Variants in LRRC7 observed in about 807,000 individuals in gnomAD.
The protein encoded by LRRC7 is leucine-rich repeat-containing protein 7.
A neutral mutation model predicts 175.7 loss-of-function variants in LRRC7; 23 were observed. The observed-to-expected ratio is 0.13, with a 90% CI of 0.09 to 0.19. The LOEUF is 0.19. Ranked by LOEUF, LRRC7 falls within the 10% of genes least tolerant of loss-of-function variation. The pLI is 1.00. For missense variants in LRRC7, 1,354 were observed against 1,904.7 expected (o/e 0.71, Z 5.38); for synonymous variants, 685 against 680.9 (o/e 1.01, Z -0.09).
chr1:70,116,546 C>CAAAAA (rs11336931), intron 26 of LRRC7, among the ~76,000 whole-genome samples: 70 of 104,876 alleles, frequency 6.7e-4, no homozygotes, highest in African/African-American at 2.3e-3. Context: ...GACTCCATGT[C>CAAAAA]AAAAAAAAAA....
intron 1 of LRRC7, among the ~76,000 whole-genome samples, chr1:69,674,897 T>G (rs1659567072): frequency 6.6e-6 from 1 of 152,210 alleles, no homozygotes. Flanking sequence ...TGATCACATT[T>G]TTATTTGTGA....
intron 7 of LRRC7, among the ~76,000 whole-genome samples, chr1:69,880,373 A>G (rs1459136906): frequency 6.6e-6 from 1 of 152,232 alleles, no homozygotes; most frequent in Non-Finnish European, 1.5e-5. Context: ...GGGGATGATC[A>G]GGGCAGAAGA....
At chr1:69,845,123 T>TG (rs1186100276) in intron 7 of LRRC7, among the ~76,000 whole-genome samples, 1 of 151,974 alleles carries the variant, frequency 6.6e-6, no homozygotes, top group African/African-American at 2.4e-5. Flanking sequence ...TGGTGGTGTG[T>TG]GCCTGTATTC....
At chr1:69,669,514 C>T (rs1658751307) in intron 1 of LRRC7, among the ~76,000 whole-genome samples, 1 of 152,012 alleles carries the variant, frequency 6.6e-6, no homozygotes, top group Non-Finnish European at 1.5e-5. Flanking sequence ...TATCCTTGAC[C>T]TTTGGGAGTT....
At chr1:69,578,829 T>C (rs1646072711) in intron 1 of LRRC7, among the ~76,000 whole-genome samples, 1 of 145,968 alleles carries the variant, frequency 6.9e-6, no homozygotes, top group Admixed American at 6.8e-5. Flanking sequence ...CATTAGGAGA[T>C]ATACCTAATG....
intron 7 of LRRC7, chr1:69,919,984 C>T: frequency 1.9e-6 from 1 of 518,906 alleles, no homozygotes; most frequent in South Asian, 2.4e-5. Context: ...GGGGCCCTTC[C>T]AGACTGGGGG....
chr1:69,843,930 T>C (rs1001268230), intron 7 of LRRC7, among the ~76,000 whole-genome samples: 3 of 152,064 alleles, frequency 2.0e-5, no homozygotes, highest in African/African-American at 7.2e-5. Flanking sequence ...CTGACAAAAT[T>C]TGGGTTTGAA....
intron 2 of LRRC7, among the ~76,000 whole-genome samples, chr1:69,722,142 T>C (rs986618446): frequency 9.9e-5 from 15 of 151,814 alleles, no homozygotes; most frequent in African/African-American, 2.9e-4. Context: ...TGTACACATA[T>C]ATATATATAT....
At chr1:69,892,951 T>A (rs1309810504) in intron 7 of LRRC7, among the ~76,000 whole-genome samples, 2 of 152,220 alleles carry the variant, frequency 1.3e-5, no homozygotes, top group Non-Finnish European at 2.9e-5. Context: ...TTATTTGATT[T>A]ACCTCCAAGG....
chr1:69,879,523 A>C (rs1334560216), intron 7 of LRRC7: 1 of 152,274 alleles, frequency 6.6e-6, no homozygotes, highest in African/African-American at 2.4e-5. Flanking sequence ...AGAGGGGCCC[A>C]GGGGTCCGCT....
rs757784466 is a variant in LRRC7, at chr1:69,834,919, T to G, written c.590+50T>G. On this transcript the variant is annotated intron_variant, in intron 6 of 26. Coordinates refer to ENST00000651989, the MANE Select transcript of LRRC7 (RefSeq NM_001370785.2). The stretch of plus-strand genomic sequence containing the variant: ...GCAATTATATCTCACCTTAGGTAAG[T>G]GCTTTACCAGTGCCAGTTGATGAGA... 4.9e-6 allele frequency: 7 copies of G among 1,442,896 alleles called. No homozygotes were observed. The Admixed American group carries it at 1.0e-4, about 21-fold the overall frequency. 89.4% of individuals were successfully genotyped at this position (1,442,896 alleles called of 1,614,324 possible).
At chr1:69,625,953 A>T (rs1651450816) in intron 1 of LRRC7, among the ~76,000 whole-genome samples, 1 of 152,196 alleles carries the variant, frequency 6.6e-6, no homozygotes, top group Non-Finnish European at 1.5e-5. Flanking sequence ...ATAATTTTTT[A>T]AAAATCGTAT....
intron 11 of LRRC7, among the ~76,000 whole-genome samples, chr1:69,995,286 A>G (rs545901731): frequency 4.6e-5 from 7 of 152,158 alleles, no homozygotes; most frequent in African/African-American, 9.6e-5. Context: ...TTTGTTTACA[A>G]TCCGTGTAAA....
chr1:69,618,482 T>G (rs759657674), intron 1 of LRRC7, among the ~76,000 whole-genome samples: 16 of 152,300 alleles, frequency 1.1e-4, no homozygotes, highest in Non-Finnish European at 4.4e-5. Context: ...CAGACATAGT[T>G]GGAGAGGCTA....
At chr1:69,672,117 T>C (rs1287029704) in intron 1 of LRRC7, among the ~76,000 whole-genome samples, 1 of 152,236 alleles carries the variant, frequency 6.6e-6, no homozygotes, top group Non-Finnish European at 1.5e-5. Context: ...CATTAACTTG[T>C]CATTTACATT....
intron 1 of LRRC7, among the ~76,000 whole-genome samples, chr1:69,570,661 G>GT (rs934728258): frequency 1.1e-4 from 16 of 149,298 alleles, no homozygotes; most frequent in Non-Finnish European, 1.9e-4. Flanking sequence ...ACCACGAGGT[G>GT]TTTTTTGTTT....
chr1:69,953,372 T>TA (rs1436278626), intron 8 of LRRC7, among the ~76,000 whole-genome samples: 1 of 152,078 alleles, frequency 6.6e-6, no homozygotes, highest in Non-Finnish European at 1.5e-5. Flanking sequence ...CTTTACTAGC[T>TA]ATAAATAATC....
intron 4 of LRRC7, among the ~76,000 whole-genome samples, chr1:69,803,546 G>T (rs1676768147): frequency 6.6e-6 from 1 of 151,110 alleles, no homozygotes; most frequent in Non-Finnish European, 1.5e-5. Context: ...TTCTAATTTT[G>T]GTTGATTCTA....
intron 1 of LRRC7, among the ~76,000 whole-genome samples, chr1:69,663,154 T>A (rs966950772): frequency 6.6e-6 from 1 of 152,142 alleles, no homozygotes; most frequent in Non-Finnish European, 1.5e-5. Flanking sequence ...TAATTCCTTT[T>A]TTTATTTATT....
Sources: allele counts gnomAD v4.1 joint callset (sites outside exome capture counted in the v4.1 genomes callset), GRCh38; gene constraint gnomAD v4.1.1; transcripts MANE v1.5; gene names NCBI Gene and HGNC (gene_info 2026-07-23, HGNC 2026-07-21).